Variants in LRMDA observed in about 807,000 individuals in gnomAD.
The protein encoded by LRMDA is leucine rich melanocyte differentiation associated, also known as leucine-rich melanocyte differentiation-associated protein.
A neutral mutation model predicts 29.8 loss-of-function variants in LRMDA; 18 were observed. The ratio of observed to expected loss-of-function variants is 0.60; its 90% confidence interval spans 0.42 to 0.90. LRMDA has a LOEUF of 0.90. Ranked by LOEUF, LRMDA falls within the 40% of genes least tolerant of loss-of-function variation. The probability of loss-of-function intolerance (pLI) is 0.00; values close to 1 mark genes in which losing one functional copy is unlikely to be tolerated. For synonymous variants in LRMDA, 125 were observed against 109.4 expected (o/e 1.14, Z -0.89); for missense variants, 273 against 273.9 (o/e 1.00, Z 0.02).
intron 2 of LRMDA, among the ~76,000 whole-genome samples, chr10:75,774,640 A>C (rs544539476): frequency 6.6e-6 from 1 of 152,320 alleles, no homozygotes; most frequent in African/African-American, 2.4e-5. Context: ...ATGCTTGGAA[A>C]ACTGTGTGGC....
At chr10:76,087,025 G>A (rs1849147285) in intron 5 of LRMDA, among the ~76,000 whole-genome samples, 2 of 152,242 alleles carry the variant, frequency 1.3e-5, no homozygotes, top group South Asian at 4.1e-4. Flanking sequence ...CCACTGAGGA[G>A]ATATACCAAA....
intron 5 of LRMDA, among the ~76,000 whole-genome samples, chr10:76,264,154 T>C (rs1474660230): frequency 1.3e-5 from 2 of 152,098 alleles, no homozygotes; most frequent in Admixed American, 1.3e-4. Flanking sequence ...ATCCCAACAC[T>C]TTGGGAGGCC....
intron 2 of LRMDA, among the ~76,000 whole-genome samples, chr10:75,848,881 C>G (rs955845133): frequency 2.0e-5 from 3 of 152,164 alleles, no homozygotes; most frequent in Non-Finnish European, 2.9e-5. Context: ...TGCCCATACT[C>G]TGCTTTGCTG....
intron 6 of LRMDA, among the ~76,000 whole-genome samples, chr10:76,409,893 C>G (rs1337797929): frequency 6.6e-6 from 1 of 152,156 alleles, no homozygotes; most frequent in Non-Finnish European, 1.5e-5. Flanking sequence ...ATGCTAGCGA[C>G]TCAATATGGT....
At chr10:75,505,705 G>C (rs1845162327) in intron 2 of LRMDA, among the ~76,000 whole-genome samples, 1 of 152,076 alleles carries the variant, frequency 6.6e-6, no homozygotes, top group African/African-American at 2.4e-5. Context: ...CTGACCAGCT[G>C]ATTCCTACCC....
chr10:76,052,105 G>T (rs1007244122), intron 4 of LRMDA, among the ~76,000 whole-genome samples: 1 of 152,188 alleles, frequency 6.6e-6, no homozygotes, highest in Admixed American at 6.5e-5. Context: ...ATTGAGAATG[G>T]CTCACAGATC....
At chr10:75,579,420 G>A (rs1840557267) in intron 2 of LRMDA, among the ~76,000 whole-genome samples, 1 of 152,188 alleles carries the variant, frequency 6.6e-6, no homozygotes, top group Non-Finnish European at 1.5e-5. Context: ...TGAAATTGAG[G>A]TAGCAATTAT....
At chr10:76,492,016 A>G (rs1388231102) in intron 6 of LRMDA, among the ~76,000 whole-genome samples, 1 of 151,672 alleles carries the variant, frequency 6.6e-6, no homozygotes, top group Non-Finnish European at 1.5e-5. Context: ...GCATTTTTCA[A>G]CTCCAGAATT....
At chr10:76,049,305 C>T (rs1040548871) in intron 4 of LRMDA, among the ~76,000 whole-genome samples, 1 of 152,138 alleles carries the variant, frequency 6.6e-6, no homozygotes, top group Non-Finnish European at 1.5e-5. Context: ...TTCTAGAGGT[C>T]ATACAAAACC....
chr10:76,076,220 G>T (rs1490729422), intron 5 of LRMDA, among the ~76,000 whole-genome samples: 2 of 151,690 alleles, frequency 1.3e-5, no homozygotes, highest in Non-Finnish European at 2.9e-5. Context: ...GCGGGTGCCT[G>T]TAGTCCCAGC....
chr10:76,558,553 G>C lies in LRMDA; in HGVS notation c.*1265G>C, dbSNP rs1397992038. The C allele has an allele frequency of 6.6e-6, 1 of 152,196 alleles. No homozygotes were observed. The highest frequency in any genetic ancestry group is 1.5e-5 in the Non-Finnish European group (1 of 68,040). The allele number at this position is 152,196 out of a possible 1,614,324, so 9.4% of individuals were successfully genotyped here. ...TTCAAAAGGTTGATTGATTGTTCTT[G>C]ACACGATAGTGTTTATTTTTCTGCT... On this transcript the variant is annotated 3_prime_UTR_variant, in exon 7 of 7. Coordinates refer to ENST00000611255, the MANE Select transcript of LRMDA (RefSeq NM_001305581.2).
intron 5 of LRMDA, among the ~76,000 whole-genome samples, chr10:76,110,036 GT>G (rs1849551860): frequency 6.6e-6 from 1 of 152,154 alleles, no homozygotes; most frequent in Non-Finnish European, 1.5e-5. Context: ...CAGTTTGAAA[GT>G]ACTCAGGGAT....
At chr10:75,906,189 C>T (rs61383534) in intron 2 of LRMDA, among the ~76,000 whole-genome samples, 2,690 of 152,232 alleles carry the variant, frequency 0.018, 79 homozygotes, top group African/African-American at 0.061. Flanking sequence ...TGAAATTGCT[C>T]ATACTTCATG....
chr10:75,970,507 C>A (rs1846947861), intron 2 of LRMDA, among the ~76,000 whole-genome samples: 1 of 152,246 alleles, frequency 6.6e-6, no homozygotes, highest in Admixed American at 6.5e-5. Flanking sequence ...TTCATTTTCT[C>A]TCCCATCTAG....
chr10:76,182,706 C>CT (rs1471824565), intron 5 of LRMDA, among the ~76,000 whole-genome samples: 3 of 152,148 alleles, frequency 2.0e-5, no homozygotes, highest in Non-Finnish European at 2.9e-5. Context: ...ACAAATCTCT[C>CT]TAAGAGAGCC....
chr10:76,056,187 G>A (rs966123540), intron 4 of LRMDA, among the ~76,000 whole-genome samples: 2 of 152,218 alleles, frequency 1.3e-5, no homozygotes, highest in African/African-American at 2.4e-5. Context: ...GAGACCCAGA[G>A]TGGGTAGCTC....
At chr10:76,060,678 C>T (rs2132057048) in intron 5 of LRMDA, among the ~76,000 whole-genome samples, 1 of 152,302 alleles carries the variant, frequency 6.6e-6, no homozygotes, top group South Asian at 2.1e-4. Flanking sequence ...ATGAGGAAAA[C>T]AGGTAAGAGC....
chr10:76,061,025 A>G (rs1275275031), intron 5 of LRMDA, among the ~76,000 whole-genome samples: 1 of 152,236 alleles, frequency 6.6e-6, no homozygotes, highest in East Asian at 1.9e-4. Context: ...TACTGGGTAT[A>G]TACTGAAAGG....
intron 2 of LRMDA, among the ~76,000 whole-genome samples, chr10:75,440,691 T>C (rs1222169218): frequency 6.6e-6 from 1 of 152,144 alleles, no homozygotes; most frequent in Non-Finnish European, 1.5e-5. Flanking sequence ...TGCCTTCAGC[T>C]GAATCAACAT....
Sources: gnomAD v4.1 joint callset for allele counts (sites outside exome capture counted in the v4.1 genomes callset) on GRCh38, gnomAD v4.1.1 for gene constraint, MANE v1.5 for transcripts, NCBI Gene and HGNC (gene_info 2026-07-23, HGNC 2026-07-21) for gene names.